TTC34: variants seen among roughly 807,000 people sequenced by gnomAD.
The protein encoded by TTC34 is tetratricopeptide repeat domain 34, also known as tetratricopeptide repeat protein 34.
A neutral mutation model predicts 40.7 loss-of-function variants in TTC34; 44 were observed. That is an observed-to-expected ratio of 1.08 (90% CI 0.85 to 1.39). The LOEUF (loss-of-function observed/expected upper bound fraction) is 1.39. Ranked by LOEUF, TTC34 falls within the 40% of genes most tolerant of loss-of-function variation. The pLI, the probability that TTC34 is intolerant of heterozygous loss-of-function variation, is 0.00. For missense variants in TTC34, 884 were observed against 838.0 expected (o/e 1.05, Z -0.68); for synonymous variants, 422 against 398.6 (o/e 1.06, Z -0.70).
At chr1:2,759,589 G>C (rs1641623777) in intron 6 of TTC34, among the ~76,000 whole-genome samples, 8 of 152,238 alleles carry the variant, frequency 5.3e-5, no homozygotes, top group African/African-American at 1.7e-4. Flanking sequence ...GCCTGGAACA[G>C]CACCCACACC....
At chr1:2,650,749 CA>C (rs1338871162) in intron 6 of TTC34, among the ~76,000 whole-genome samples, 1 of 151,614 alleles carries the variant, frequency 6.6e-6, no homozygotes, top group African/African-American at 2.4e-5. Context: ...CCCTGACCCC[CA>C]GGTGAGCATC....
chr1:2,780,378 G>A (rs1224703740), intron 6 of TTC34, among the ~76,000 whole-genome samples: 1 of 152,150 alleles, frequency 6.6e-6, no homozygotes, highest in East Asian at 1.9e-4. Context: ...CCAGTGTCGT[G>A]AAGCTTCTCC....
intron 6 of TTC34, among the ~76,000 whole-genome samples, chr1:2,649,083 A>G (rs1188240309): frequency 6.7e-6 from 1 of 149,276 alleles, no homozygotes; most frequent in East Asian, 2.0e-4. Flanking sequence ...GGCACCTTCC[A>G]CCCCCAGGTG....
chr1:2,785,829 G>A lies in TTC34; in HGVS notation c.2049C>T (p.Ile683=), dbSNP rs1197234159. ...GTGGGCAGCTCCTACCTGCGGCAAA[G>A]ATGGCCAGAGACAGGTAGGCGATGG... is the stretch of plus-strand genomic sequence containing the variant. Residue 683 remains isoleucine, a synonymous_variant, in exon 5 of 9, where the codon ATC becomes ATT. Coordinates refer to ENST00000401095, the Ensembl canonical transcript of TTC34. 3 of 1,544,278 alleles carry A rather than the reference G, an allele frequency of 1.9e-6. No homozygotes were observed. The East Asian group carries it at 7.4e-5, about 38-fold the overall frequency.
chr1:2,751,509 C>A (rs1641318322), intron 6 of TTC34, among the ~76,000 whole-genome samples: 2 of 106,206 alleles, frequency 1.9e-5, no homozygotes, highest in Admixed American at 1.0e-4. Flanking sequence ...CTCTGACAGC[C>A]TTGAACAGCA....
chr1:2,750,606 C>T (rs1377140000), intron 6 of TTC34, among the ~76,000 whole-genome samples: 3 of 1,782 alleles, frequency 1.7e-3, no homozygotes, highest in African/African-American at 3.6e-3. Context: ...CACCCCACAC[C>T]CACAGGTGAG....
chr1:2,653,405 C>A (rs539581685), intron 6 of TTC34, among the ~76,000 whole-genome samples: 18 of 151,734 alleles, frequency 1.2e-4, no homozygotes, highest in African/African-American at 4.1e-4. Flanking sequence ...ACAGCACCCA[C>A]ACCCCCAGGT....
chr1:2,792,885 C>T (rs563843644), intron 2 of TTC34, among the ~76,000 whole-genome samples: 20 of 152,368 alleles, frequency 1.3e-4, no homozygotes, highest in African/African-American at 3.6e-4. Context: ...TGAAGAGCTG[C>T]GGGGTGCACA....
rs115811903 is a variant in TTC34 at position 2,782,812 on chromosome 1, G to A, written c.2226+797C>T. Among the ~76,000 whole-genome samples, 1,003 of 152,212 alleles carry A rather than the reference G, an allele frequency of 6.6e-3. 8 individuals are homozygous for A. Among genetic ancestry groups the A allele is most frequent in the Middle Eastern group, 0.017 (5 of 294 alleles). On this transcript the variant is annotated intron_variant, in intron 6 of 8. Coordinates refer to ENST00000401095, the Ensembl canonical transcript of TTC34. ...GAGGCCTGGGGAGGTGAAGTGATTC[G>A]GCTGCGGTTGCTTAGCTGGACCCAA...
Position 2,748,929 on chromosome 1 carries a change from G to T in TTC34, c.2226+34680C>A, listed in dbSNP as rs1467338424. Among the ~76,000 whole-genome samples, 18 of 93,574 alleles carry T rather than the reference G, an allele frequency of 1.9e-4. 2 individuals carry two copies. Among genetic ancestry groups the T allele is most frequent in the Non-Finnish European group, 3.1e-4 (16 of 52,202 alleles). The allele number at this position is 93,574 out of a possible 152,430, so 61.4% of individuals were successfully genotyped here. On this transcript the variant is annotated intron_variant, in intron 6 of 8. Coordinates refer to ENST00000401095, the Ensembl canonical transcript of TTC34. ...TGGAACAGAACCCACACCGCCAGGG[G>T]AGTATCTGACAGACTGGAACAGCAC...
exon 9 of TTC34, chr1:2,641,143 AG>A (rs1375943289): frequency 1.5e-5 from 3 of 196,752 alleles, no homozygotes; most frequent in Non-Finnish European, 2.5e-5. Context: ...AGGGCTGGGA[AG>A]GGGTGTGTGG....
chr1:2,771,587 T>C (rs1642160549), intron 6 of TTC34, among the ~76,000 whole-genome samples: 1 of 57,686 alleles, frequency 1.7e-5, no homozygotes, highest in Admixed American at 1.5e-4. Context: ...TCTGACAGCC[T>C]GGAGCAGCGC....
chr1:2,683,924 G>A (rs577876109), intron 6 of TTC34, among the ~76,000 whole-genome samples: 1 of 145,946 alleles, frequency 6.9e-6, no homozygotes, highest in Non-Finnish European at 1.5e-5. Context: ...CTCCAGGTGA[G>A]CATCTGATGG....
At chr1:2,684,953 C>T (rs1231825182) in intron 6 of TTC34, among the ~76,000 whole-genome samples, 1 of 141,222 alleles carries the variant, frequency 7.1e-6, no homozygotes, top group Non-Finnish European at 1.5e-5. Flanking sequence ...GAGCACCACC[C>T]ACACCCCCAG....
chr1:2,778,433 G>T (rs1459328576), intron 6 of TTC34, among the ~76,000 whole-genome samples: 2 of 152,218 alleles, frequency 1.3e-5, no homozygotes, highest in Non-Finnish European at 2.9e-5. Flanking sequence ...GGGCCTGGGA[G>T]TGGACCCCTC....
At position 2,687,804 on chromosome 1, in the gene TTC34, C is replaced by T. The variant is rs112028181; in HGVS notation, c.2227-42241G>A. Reference sequence around the variant, plus strand: ...ATCTGACAGCCTGGGTCGGCACCCACACCTCCAGGTGAGCATCTGATGGTC... The same window carrying T: ...ATCTGACAGCCTGGGTCGGCACCCATACCTCCAGGTGAGCATCTGATGGTC... On this transcript the variant is annotated intron_variant, in intron 6 of 8. Coordinates refer to ENST00000401095, the Ensembl canonical transcript of TTC34. Among the ~76,000 whole-genome samples the T allele has an allele frequency of 7.7e-4, 116 of 151,036 alleles. 1 individual carries two copies. The highest frequency in any genetic ancestry group is 1.4e-3 in the Non-Finnish European group (97 of 67,978).
At chr1:2,687,793 G>C (rs1334413854) in intron 6 of TTC34, among the ~76,000 whole-genome samples, 10 of 132,924 alleles carry the variant, frequency 7.5e-5, no homozygotes, top group Non-Finnish European at 3.1e-5. Context: ...GACAGCCTGG[G>C]TCGGCACCCA....
At chr1:2,752,414 C>G (rs1423161655) in intron 6 of TTC34, among the ~76,000 whole-genome samples, 3 of 59,646 alleles carry the variant, frequency 5.0e-5, no homozygotes, top group Admixed American at 1.5e-4. Context: ...CCCACACACC[C>G]AGGTGAGCAT....
chr1:2,699,856 T>C (rs1361011024), intron 6 of TTC34, among the ~76,000 whole-genome samples: 59 of 18,124 alleles, frequency 3.3e-3, no homozygotes, highest in African/African-American at 4.1e-3. Context: ...CCCACACCCC[T>C]AGATGAGCAT....
Sources: allele counts gnomAD v4.1 joint callset (sites outside exome capture counted in the v4.1 genomes callset), GRCh38; gene constraint gnomAD v4.1.1; transcripts MANE v1.5; gene names NCBI Gene and HGNC (gene_info 2026-07-23, HGNC 2026-07-21).